The following CSMD1 variants were observed in gnomAD, a reference collection of about 807,000 sequenced individuals.
CSMD1 encodes CUB and Sushi multiple domains 1, also known as CUB and sushi domain-containing protein 1.
CSMD1 carries 213 observed loss-of-function variants against 417.5 expected under a neutral mutation model. That is an observed-to-expected ratio of 0.51 (90% CI 0.46 to 0.57). The LOEUF (loss-of-function observed/expected upper bound fraction) is 0.57. Ranked by LOEUF, CSMD1 falls within the 20% of genes least tolerant of loss-of-function variation. The pLI, the probability that CSMD1 is intolerant of heterozygous loss-of-function variation, is 0.00. For synonymous variants in CSMD1, 2,862 were observed against 1,736.8 expected, an observed-to-expected ratio of 1.65 and a Z score of -16.11; for missense variants, 6,923 against 4,529.7, an observed-to-expected ratio of 1.53 and a Z score of -15.17.
chr8:4,892,408 G>T (rs1329775910), intron 1 of CSMD1, among the ~76,000 whole-genome samples: 1 of 152,022 alleles, frequency 6.6e-6, no homozygotes, highest in Non-Finnish European at 1.5e-5. Context: ...TTACAGCCCT[G>T]CGTCCTGTGT....
intron 3 of CSMD1, among the ~76,000 whole-genome samples, chr8:4,309,105 C>G (rs1222446023): frequency 2.0e-5 from 3 of 152,216 alleles, no homozygotes; most frequent in Admixed American, 1.3e-4. Flanking sequence ...CTTGTTCTAT[C>G]TAGTTTAATC....
intron 12 of CSMD1, among the ~76,000 whole-genome samples, chr8:3,466,082 T>C (rs1816776964): frequency 6.6e-6 from 1 of 152,298 alleles, no homozygotes; most frequent in East Asian, 1.9e-4. Flanking sequence ...AAAATTAAAA[T>C]GAAAATGCAA....
chr8:4,415,402 T>G (rs1043661893), intron 3 of CSMD1, among the ~76,000 whole-genome samples: 3 of 152,160 alleles, frequency 2.0e-5, no homozygotes, highest in Non-Finnish European at 4.4e-5. Context: ...ATTCCGGGTT[T>G]GACACAAAGT....
chr8:3,260,591 C>T lies in CSMD1; in HGVS notation c.4153+23553G>A, dbSNP rs550235064. Among the ~76,000 whole-genome samples, 8 of 151,928 alleles carry T rather than the reference C, an allele frequency of 5.3e-5. No individual in the cohort carries two copies. The South Asian group carries it at 1.0e-3, about 20-fold the overall frequency. On this transcript the variant is annotated intron_variant, in intron 26 of 69. Coordinates refer to ENST00000635120, the MANE Select transcript of CSMD1 (RefSeq NM_033225.6). ...GGGTCCACCGAGAACAAACCCCCCT[C>T]GAAGAGCAGAGGCTGAGGATGGCTC... is the stretch of plus-strand genomic sequence containing the variant.
chr8:4,087,133 G>C (rs1041123978), intron 3 of CSMD1, among the ~76,000 whole-genome samples: 1 of 152,170 alleles, frequency 6.6e-6, no homozygotes, highest in Non-Finnish European at 1.5e-5. Flanking sequence ...GGTGATGGGA[G>C]GTTGCGGAAA....
intron 2 of CSMD1, among the ~76,000 whole-genome samples, chr8:4,570,791 A>G (rs1230702796): frequency 1.3e-5 from 2 of 152,100 alleles, no homozygotes; most frequent in African/African-American, 4.8e-5. Context: ...ATTGTTTGGT[A>G]GGCTATTAAT....
intron 3 of CSMD1, among the ~76,000 whole-genome samples, chr8:4,121,124 A>C (rs894930649): frequency 4.2e-4 from 64 of 150,880 alleles, no homozygotes; most frequent in Non-Finnish European, 8.9e-5. Flanking sequence ...TTTATTTATT[A>C]TTTATTTTTG....
chr8:4,061,400 A>T (rs185450503), intron 3 of CSMD1, among the ~76,000 whole-genome samples: 1 of 152,364 alleles, frequency 6.6e-6, no homozygotes, highest in Admixed American at 6.5e-5. Flanking sequence ...CAACAGATTA[A>T]ATCAGCTTCC....
chr8:4,634,175 G>A (rs189493950), intron 2 of CSMD1, among the ~76,000 whole-genome samples: 1 of 152,002 alleles, frequency 6.6e-6, no homozygotes, highest in African/African-American at 2.4e-5. Context: ...AATCATATAT[G>A]TATTGTTGGT....
chr8:2,993,246 AT>A (rs1308461545), intron 54 of CSMD1, among the ~76,000 whole-genome samples: 1 of 152,210 alleles, frequency 6.6e-6, no homozygotes, highest in Admixed American at 6.5e-5. Context: ...GTCCTTTTAA[AT>A]TGGAGACACT....
intron 1 of CSMD1, among the ~76,000 whole-genome samples, chr8:4,744,816 A>G (rs776576660): frequency 6.7e-4 from 102 of 152,176 alleles, no homozygotes; most frequent in Middle Eastern, 3.4e-3. Context: ...TAAAAAACAT[A>G]AAACACCCAT....
intron 1 of CSMD1, among the ~76,000 whole-genome samples, chr8:4,730,405 G>A (rs1216244268): frequency 6.6e-6 from 1 of 152,130 alleles, no homozygotes; most frequent in Non-Finnish European, 1.5e-5. Context: ...ATAAAAAGTA[G>A]TTGAGTTAGG....
chr8:3,831,793 C>T (rs185331850), intron 5 of CSMD1, among the ~76,000 whole-genome samples: 43 of 152,258 alleles, frequency 2.8e-4, no homozygotes, highest in African/African-American at 8.9e-4. Context: ...TTTGCTCACA[C>T]GCGGGACTGT....
intron 5 of CSMD1, among the ~76,000 whole-genome samples, chr8:3,927,972 AT>A (rs1809865808): frequency 6.6e-6 from 1 of 152,108 alleles, no homozygotes; most frequent in South Asian, 2.1e-4. Context: ...ATTTAACATA[AT>A]TTTTATATTG....
Position 4,853,420 on chromosome 8 carries a change from G to A in CSMD1, c.85+140912C>T, listed in dbSNP as rs1160233934. Reference sequence around the variant, plus strand: ...AGCTCATATTGCTGCTTCAGAGGGTGCAATCCATAAGCTTGGCAGCTTCAA... The same window carrying A: ...AGCTCATATTGCTGCTTCAGAGGGTACAATCCATAAGCTTGGCAGCTTCAA... On this transcript the variant is annotated intron_variant, in intron 1 of 69. Transcript: ENST00000635120. Among the ~76,000 whole-genome samples, 3 of 152,220 alleles carry A rather than the reference G, an allele frequency of 2.0e-5. 1 individual carries two copies. The East Asian group carries it at 5.8e-4, about 29-fold the overall frequency.
chr8:3,605,518 A>T (rs1584950751), intron 8 of CSMD1, among the ~76,000 whole-genome samples: 1 of 152,336 alleles, frequency 6.6e-6, no homozygotes, highest in South Asian at 2.1e-4. Flanking sequence ...GGAAACTAGA[A>T]ATGAGCAGTT....
intron 1 of CSMD1, among the ~76,000 whole-genome samples, chr8:4,823,345 C>A (rs1387100197): frequency 6.6e-6 from 1 of 151,642 alleles, no homozygotes; most frequent in Non-Finnish European, 1.5e-5. Context: ...AAATGTATTA[C>A]AATTACAATT....
At chr8:3,497,663 G>C (rs2117324182) in intron 10 of CSMD1, among the ~76,000 whole-genome samples, 1 of 152,280 alleles carries the variant, frequency 6.6e-6, no homozygotes, top group East Asian at 1.9e-4. Context: ...CTCTTGTAAT[G>C]TCTTCAGTTT....
intron 10 of CSMD1, among the ~76,000 whole-genome samples, chr8:3,558,627 G>GTACCCCGTGTCCACTCC (rs1799320720): frequency 2.8e-5 from 4 of 141,008 alleles, no homozygotes; most frequent in South Asian, 2.3e-4. Context: ...ATGATGAATA[G>GTACCCCGTGTCCACTCC]TGCCTCAATA....
Sources: allele counts gnomAD v4.1 joint callset (sites outside exome capture counted in the v4.1 genomes callset), GRCh38; gene constraint gnomAD v4.1.1; transcripts MANE v1.5; gene names NCBI Gene and HGNC (gene_info 2026-07-23, HGNC 2026-07-21).